Variants in PNMA5 observed in about 807,000 individuals in gnomAD.
PNMA5 encodes the protein paraneoplastic antigen-like protein 5.
For synonymous variants in PNMA5, 138 were observed against 137.9 expected (o/e 1.00, Z 0.00); for missense variants, 334 against 356.6 (o/e 0.94, Z 0.51).
rs2126029408 is a variant in PNMA5 at position 152,990,151 on chromosome X, C to T, written c.*101G>A. ...TGATCTCGACCTGGCTTCCCTGTCC[C>T]TCTGCCCCAGTCAAGTTCCCTGTTA... On this transcript the variant is annotated 3_prime_UTR_variant, in exon 4 of 4. Transcript: ENST00000535214. The T allele has an allele frequency of 1.9e-6, 2 of 1,037,530 alleles. No homozygotes were observed. The highest frequency in any genetic ancestry group is 1.2e-6 in the Non-Finnish European group (1 of 807,700). 85.5% of individuals were successfully genotyped at this position (1,037,530 alleles called of 1,213,427 possible).
chrX:152,990,892 C>T lies in PNMA5; in HGVS notation c.707G>A (p.Gly236Glu), dbSNP rs139544398. 8.3e-7 allele frequency: 1 copy of T among 1,206,713 alleles called. No homozygotes were observed. Among genetic ancestry groups the T allele is most frequent in the Non-Finnish European group, 1.1e-6 (1 of 894,089 alleles). Residue 236 changes from glycine (G) to glutamate (E), a missense_variant, in exon 4 of 4, where the codon GGG becomes GAG. Coordinates refer to ENST00000535214, the MANE Select transcript of PNMA5 (RefSeq NM_001184924.2). ...AGAGGCTCTAAAGTCCTCTTTATCCCCAAAGATCTGCTTTAGGGCGTCAAG... is the reference window on the plus strand; with the variant it reads ...AGAGGCTCTAAAGTCCTCTTTATCCTCAAAGATCTGCTTTAGGGCGTCAAG... Reference protein sequence around the residue: ...QCLDALKQIFGDKEDFRASQF... With the variant: ...QCLDALKQIFEDKEDFRASQF...
rs1556923907 is a variant in PNMA5, at chrX:152,989,398, T to A, written c.*854A>T. On this transcript the variant is annotated 3_prime_UTR_variant, in exon 4 of 4. Transcript: ENST00000535214. ...GAGAACAAGCAGCCACTGGCCGAGA[T>A]CTACACCGGCAAAGCAGAGGTGGAG... The A allele has an allele frequency of 9.2e-6, 1 of 108,918 alleles. No homozygotes were observed. Among genetic ancestry groups the A allele is most frequent in the East Asian group, 3.0e-4 (1 of 3,351 alleles). 9.0% of individuals were successfully genotyped at this position (108,918 alleles called of 1,213,427 possible).
chrX:152,991,799 C>T (rs1556924658), intron 3 of PNMA5, 78 bp from the exon 4 acceptor site: 1 of 457,745 alleles, frequency 2.2e-6, no homozygotes, highest in African/African-American at 2.5e-5. Flanking sequence ...TCTGCCCCCA[C>T]CCCCAAGCAG....
rs1445878393 is a variant in PNMA5 at position 152,990,419 on chromosome X, G to A, written c.1180C>T (p.Arg394Trp). The A allele has an allele frequency of 3.4e-6, 4 of 1,163,796 alleles. No homozygotes were observed. The highest frequency in any genetic ancestry group is 4.1e-5 in the South Asian group (2 of 48,627). The change falls in exon 4 of 4, where the codon CGG (arginine) becomes TGG (tryptophan). Residue 394 changes from arginine to tryptophan, a missense_variant. Coordinates refer to ENST00000535214, the MANE Select transcript of PNMA5 (RefSeq NM_001184924.2). The stretch of plus-strand genomic sequence containing the variant: ...CTAGTGCTTTCACTGCCTAACAGCC[G>A]CCTGCGTTTCACTAATGGGGGTAAG... Reference protein sequence around the residue: ...GGLPPLVKRRRLLGSESTRGE... With the variant: ...GGLPPLVKRRWLLGSESTRGE...
rs376216037 is a variant in PNMA5 at position 152,990,986 on chromosome X, G to A, written c.613C>T (p.Arg205Cys). The change falls in exon 4 of 4, where the codon CGT becomes TGT. Residue 205 changes from arginine (R) to cysteine (C), a missense_variant. Arg to Cys is a radical substitution (Grantham distance 180, BLOSUM62 -3). Coordinates refer to ENST00000535214, the MANE Select transcript of PNMA5 (RefSeq NM_001184924.2). Reference protein sequence around the residue: ...EKRRRLLESLRGPALSIMRVL... With the variant: ...EKRRRLLESLCGPALSIMRVL... Reference sequence around the variant, plus strand: ...CGCATGATTGACAGAGCAGGCCCACGTAAGCTCTCCAGCAAACGCCGCCTC... The same window carrying A: ...CGCATGATTGACAGAGCAGGCCCACATAAGCTCTCCAGCAAACGCCGCCTC... The A allele has an allele frequency of 1.9e-5, 23 of 1,198,093 alleles. No individual in the cohort carries two copies. The highest frequency in any genetic ancestry group is 1.1e-4 in the South Asian group (6 of 53,624).
chrX:152,992,313 T>C (rs1310863646), intron 2 of PNMA5: 1 of 112,211 alleles, frequency 8.9e-6, no homozygotes, highest in Non-Finnish European at 1.9e-5. Flanking sequence ...GAGTGTCATG[T>C]GGTAAGGCCA....
Position 152,989,088 on chromosome X carries a change from A to G in PNMA5, c.*1164T>C, listed in dbSNP as rs782518098. 8 of 110,201 alleles carry G rather than the reference A, an allele frequency of 7.3e-5. No homozygotes were observed. The highest frequency in any genetic ancestry group is 2.7e-4 in the African/African-American group (8 of 30,113). The allele number at this position is 110,201 out of a possible 1,213,427, so 9.1% of individuals were successfully genotyped here. A position where few individuals can be genotyped will look rare whatever the true frequency, so the allele number is the denominator to read the frequency against. ...CCGCTGGGGCAGGGCCCTGCCCTAT[A>G]GACTGCACAGGACAGTCACAGGATG... is the stretch of plus-strand genomic sequence containing the variant. On this transcript the variant is annotated 3_prime_UTR_variant, in exon 4 of 4. Coordinates refer to ENST00000535214, the MANE Select transcript of PNMA5 (RefSeq NM_001184924.2).
intron 3 of PNMA5, 64 bp downstream of exon 3, chrX:152,991,838 C>T (rs1465350038): frequency 1.4e-5 from 5 of 349,292 alleles, no homozygotes; most frequent in Non-Finnish European, 2.3e-5. Context: ...CCAGGGTTCC[C>T]CAAGTCATTT....
Position 152,991,123 on chromosome X carries a change from A to G in PNMA5, c.476T>C (p.Leu159Pro). Reference protein sequence around the residue: ...PPKESMWYRKLKVFSGTASPS... With the variant: ...PPKESMWYRKPKVFSGTASPS... ...GGAAGCAGTTCCCGAAAACACTTTC[A>G]GTTTCCTGTACCACATACTTTCTTT... is the stretch of plus-strand genomic sequence containing the variant. Residue 159 changes from leucine (L) to proline (P), a missense_variant, in exon 4 of 4, where the codon CTG becomes CCG. Physicochemically the swap from Leu to Pro is moderately conservative, Grantham distance 98. Transcript: ENST00000535214. 5 of 1,207,806 alleles carry G rather than the reference A, an allele frequency of 4.1e-6. No individual in the cohort carries two copies. Among genetic ancestry groups the G allele is most frequent in the Non-Finnish European group, 5.6e-6 (5 of 894,002 alleles).
intron 2 of PNMA5, 93 bp downstream of exon 2, chrX:152,992,564 G>A (rs2050916916): frequency 8.9e-6 from 1 of 111,897 alleles, no homozygotes; most frequent in Admixed American, 9.4e-5. Flanking sequence ...CTACCCTGCA[G>A]AGTCTGTGAA....
At position 152,993,363 on chromosome X, in the gene PNMA5, C is replaced by A. The variant is rs782280478; in HGVS notation, c.-329-577G>T. Among the ~76,000 whole-genome samples the A allele has an allele frequency of 2.7e-5, 3 of 109,590 alleles. No homozygotes were observed. The South Asian group carries it at 1.2e-3, about 44-fold the overall frequency. The stretch of plus-strand genomic sequence containing the variant: ...ATCCCCAAATCCCCTACCTCCATTC[C>A]CCTGCTCCCCCCAATCCCCACCCGG... On this transcript the variant is annotated intron_variant, in intron 1 of 3. Coordinates refer to ENST00000535214, the MANE Select transcript of PNMA5 (RefSeq NM_001184924.2).
Position 152,991,089 on chromosome X carries a change from T to G in PNMA5, c.510A>C (p.Pro170=). 8.3e-7 allele frequency: 1 copy of G among 1,202,831 alleles called. No homozygotes were observed. Among genetic ancestry groups the G allele is most frequent in the Non-Finnish European group, 1.1e-6 (1 of 892,253 alleles). The change falls in exon 4 of 4, where the codon CCA becomes CCC. Residue 170 remains proline, a synonymous_variant. Transcript: ENST00000535214. Reference sequence around the variant, plus strand: ...GCCAGTCTTCAAAGGTCTCTTCGCCTGGGCTAGGGGAAGCAGTTCCCGAAA... The same window carrying G: ...GCCAGTCTTCAAAGGTCTCTTCGCCGGGGCTAGGGGAAGCAGTTCCCGAAA... ...KVFSGTASPS[P]GEETFEDWLE...
In PNMA5 at chrX:152,991,341, A is replaced by C. The variant is rs142445857; in HGVS notation, c.258T>G (p.Gly86=). The change falls in exon 4 of 4, where the codon GGT becomes GGG. Residue 86 remains glycine (G), a synonymous_variant. Coordinates refer to ENST00000535214, the MANE Select transcript of PNMA5 (RefSeq NM_001184924.2). ...GTTTTACCACCACTTCCCAGGAGCCACCCTTTCCTGGTATGTGACTGGGCA... is the reference window on the plus strand; with the variant it reads ...GTTTTACCACCACTTCCCAGGAGCCCCCCTTTCCTGGTATGTGACTGGGCA... The part of the protein sequence containing the change: ...TTLPSHIPGK[G]GSWEVVVKPR... 6 of 1,207,008 alleles carry C rather than the reference A, an allele frequency of 5.0e-6. No individual in the cohort carries two copies. Among genetic ancestry groups the C allele is most frequent in the Middle Eastern group, 2.3e-4 (1 of 4,351 alleles).
chrX:152,991,374 G>A lies in PNMA5; in HGVS notation c.225C>T (p.Tyr75=), dbSNP rs781838282. ...CTGGTATGTGACTGGGCAGAGTAGT[G>A]TAATTGACAGTGTCAGCCAGTTCAA... ...VFIELADTVN[Y]TTLPSHIPGK... The change falls in exon 4 of 4, where the codon TAC becomes TAT. Residue 75 remains tyrosine (Y), a synonymous_variant. Coordinates refer to ENST00000535214, the MANE Select transcript of PNMA5 (RefSeq NM_001184924.2). 2.5e-6 allele frequency: 3 copies of A among 1,200,471 alleles called. No homozygotes were observed. Among genetic ancestry groups the A allele is most frequent in the Non-Finnish European group, 3.4e-6 (3 of 890,422 alleles).
At position 152,991,886 on chromosome X, in the gene PNMA5, G is replaced by A; in HGVS notation, c.-124+16C>T. 3.7e-6 allele frequency: 1 copy of A among 268,859 alleles called. No individual in the cohort carries two copies. The highest frequency in any genetic ancestry group is 1.0e-3 in the Middle Eastern group (1 of 954). 22.2% of individuals were successfully genotyped at this position (268,859 alleles called of 1,213,427 possible). ...AGTGTGGAGGTTCTCCCCAGGCAAA[G>A]ATCTCCCCATCTCACCACTCCCTGC... On this transcript the variant is annotated intron_variant, in intron 3 of 3. Coordinates refer to ENST00000535214, the MANE Select transcript of PNMA5 (RefSeq NM_001184924.2).
Position 152,991,275 on chromosome X carries a change from G to A in PNMA5, c.324C>T (p.Tyr108=). 8.3e-7 allele frequency: 1 copy of A among 1,207,085 alleles called. No homozygotes were observed. The highest frequency in any genetic ancestry group is 1.1e-6 in the Non-Finnish European group (1 of 893,565). ...PDDEFLSRLN[Y]FLKDEGRSMT... ...TACTTCGGCCCTCATCTTTCAGGAA[G>A]TAGTTCAGTCTACTGAGAAACTCAT... The change falls in exon 4 of 4, where the codon TAC becomes TAT. Residue 108 remains tyrosine, a synonymous_variant. Transcript: ENST00000535214.
At position 152,990,938 on chromosome X, in the gene PNMA5, A is replaced by C; in HGVS notation, c.661T>G (p.Ser221Ala). The C allele has an allele frequency of 1.7e-6, 2 of 1,195,990 alleles. No individual in the cohort carries two copies. Among genetic ancestry groups the C allele is most frequent in the Non-Finnish European group, 2.2e-6 (2 of 888,987 alleles). ...TCAAGGCACTGCTCCACAGTTATGG[A>C]GTCATTGTTGGCCTGGAGCACCCGC... Reference protein sequence around the residue: ...IMRVLQANNDSITVEQCLDAL... With the variant: ...IMRVLQANNDAITVEQCLDAL... Residue 221 changes from serine to alanine, a missense_variant, in exon 4 of 4, where the codon TCC becomes GCC. Ser to Ala is a moderately conservative substitution (Grantham distance 99). Coordinates refer to ENST00000535214, the MANE Select transcript of PNMA5 (RefSeq NM_001184924.2).
chrX:152,990,347 T>A lies in PNMA5; in HGVS notation c.1252A>T (p.Thr418Ser), dbSNP rs201866229. 287 of 1,161,545 alleles carry A rather than the reference T, an allele frequency of 2.5e-4. 1 individual carries two copies. In the East Asian group the frequency reaches 7.3e-3, roughly 29 times the overall value. The change falls in exon 4 of 4, where the codon ACT becomes TCT. Residue 418 changes from threonine to serine, a missense_variant. Coordinates refer to ENST00000535214, the MANE Select transcript of PNMA5 (RefSeq NM_001184924.2). ...QATYPKAENQ[T>S]PGREGPQAAG... ...GCCTGTGGCCCCTCCCTGCCTGGAG[T>A]CTGGTTTTCAGCCTTGGGATACGTG...
At chrX:152,992,959 G>A (rs1353366885) in intron 1 of PNMA5, among the ~76,000 whole-genome samples, 173 bp from the exon 2 acceptor site, 1 of 85,357 alleles carries the variant, frequency 1.2e-5, no homozygotes, top group East Asian at 4.3e-4. Flanking sequence ...GTCGGGGGAC[G>A]AATGGTGAGA....
Sources: allele counts gnomAD v4.1 joint callset (sites outside exome capture counted in the v4.1 genomes callset), GRCh38; gene constraint gnomAD v4.1.1; transcripts MANE v1.5; gene names NCBI Gene and HGNC (gene_info 2026-07-23, HGNC 2026-07-21).